BDP1: variants seen among roughly 807,000 people sequenced by gnomAD.
BDP1 encodes transcription factor TFIIIB component B'' homolog.
BDP1 carries 169 observed loss-of-function variants against 266.6 expected under a neutral mutation model. The observed-to-expected ratio is 0.63, with a 90% CI of 0.56 to 0.72. The LOEUF (loss-of-function observed/expected upper bound fraction) is 0.72, where lower values mean the gene tolerates loss of function less well. BDP1 is among the 30% of genes least tolerant of loss of function. The probability of loss-of-function intolerance (pLI) is 0.00; values close to 1 mark genes in which losing one functional copy is unlikely to be tolerated. For synonymous variants in BDP1, 1,090 were observed against 1,022.4 expected (o/e 1.07, Z -1.26); for missense variants, 3,015 against 3,053.8 (o/e 0.99, Z 0.30).
chr5:71,539,696 C>A, intron 28 of BDP1, 47 bp downstream of exon 28: 2 of 1,336,058 alleles, frequency 1.5e-6, no homozygotes, highest in South Asian at 1.3e-5. Context: ...CTTTTAAAAC[C>A]TAACTTAAGA....
intron 9 of BDP1, among the ~76,000 whole-genome samples, chr5:71,488,317 G>T (rs1281247382): frequency 2.0e-5 from 3 of 151,758 alleles, no homozygotes; most frequent in South Asian, 2.1e-4. Flanking sequence ...TTGTAGAGAT[G>T]GGATTTTATC....
At chr5:71,486,391 A>C (rs1763263318) in intron 8 of BDP1, 93 bp from the exon 9 acceptor site, 1 of 1,075,838 alleles carries the variant, frequency 9.3e-7, no homozygotes, top group Non-Finnish European at 1.3e-6. Context: ...CTGATAAACA[A>C]ACCCATTTGC....
At chr5:71,515,453 T>G (rs1765167550) in intron 20 of BDP1, among the ~76,000 whole-genome samples, 1 of 152,164 alleles carries the variant, frequency 6.6e-6, no homozygotes. Context: ...CAAGAAATGC[T>G]CAGTGGAGCA....
chr5:71,568,471 C>T (rs7449204), downstream of BDP1, among the ~76,000 whole-genome samples: 148,541 of 152,326 alleles, frequency 0.98, 72,445 homozygotes, highest in East Asian at 1. Flanking sequence ...TCCCTCTCCC[C>T]ACTGCCTTTG....
rs1742973045 is a variant in BDP1 at position 71,553,159 on chromosome 5, T to G, written c.7039T>G (p.Leu2347Val). Residue 2347 changes from leucine to valine, a missense_variant, in exon 35 of 39, where the codon TTA (leucine) becomes GTA (valine). Physicochemically the swap from Leu to Val is conservative, Grantham distance 32. This residue lies in a region of BDP1 where 629 missense variants were observed against 632.5 expected (regional missense o/e 0.99). Transcript: ENST00000358731. Reference sequence around the variant, plus strand: ...TTCAGTTGGTCAAGATGCCATGGGTTTATCTATTTCTGGAAGAGATAATTC... The same window carrying G: ...TTCAGTTGGTCAAGATGCCATGGGTGTATCTATTTCTGGAAGAGATAATTC... ...ATSVGQDAMG[L>V]SISGRDNSKK... 9 of 1,613,186 alleles carry G rather than the reference T, an allele frequency of 5.6e-6. No individual in the cohort carries two copies. Among genetic ancestry groups the G allele is most frequent in the Non-Finnish European group, 7.6e-6 (9 of 1,179,958 alleles).
At chr5:71,575,873 C>A in the BDP1 span, among the ~76,000 whole-genome samples, 1 of 152,082 alleles carries the variant, frequency 6.6e-6, no homozygotes, top group Admixed American at 6.6e-5. Context: ...CTCTTTTGGC[C>A]GCTCCTACAG....
Position 71,491,136 on chromosome 5 carries a change from T to C in BDP1, c.1640+5T>C. On this transcript the variant is annotated splice_donor_5th_base_variant and intron_variant, in intron 11 of 38. Coordinates refer to ENST00000358731, the MANE Select transcript of BDP1 (RefSeq NM_018429.3). The stretch of plus-strand genomic sequence containing the variant: ...TGACCCCATCCTTTCATTAAGGTAT[T>C]TTCTGTGTCTTTTCTGGTTTTATCC... 1 of 1,613,456 alleles carries C rather than the reference T, an allele frequency of 6.2e-7. No homozygotes were observed. Among genetic ancestry groups the C allele is most frequent in the South Asian group, 1.1e-5 (1 of 90,918 alleles).
intron 21 of BDP1, 151 bp downstream of exon 21, chr5:71,516,422 A>AT (rs555222717): frequency 1.1e-3 from 585 of 535,562 alleles, no homozygotes; most frequent in South Asian, 2.7e-3. Flanking sequence ...GCTCTTCTGG[A>AT]TTTTTTTTTT....
chr5:71,487,203 G>A (rs1331463547), intron 9 of BDP1, among the ~76,000 whole-genome samples: 2 of 152,072 alleles, frequency 1.3e-5, no homozygotes, highest in Non-Finnish European at 2.9e-5. Context: ...TTATATGTTA[G>A]CTAGCTTACA....
At chr5:71,456,377 C>T (rs1291324064) in intron 1 of BDP1, among the ~76,000 whole-genome samples, 3 of 152,218 alleles carry the variant, frequency 2.0e-5, no homozygotes, top group African/African-American at 7.2e-5. Flanking sequence ...AATATCCACA[C>T]TATTCATTTG....
chr5:71,526,431 A>G (rs1291453081), intron 25 of BDP1, among the ~76,000 whole-genome samples: 1 of 151,864 alleles, frequency 6.6e-6, no homozygotes, highest in Non-Finnish European at 1.5e-5. Flanking sequence ...AGCCTGACCA[A>G]CAAGGTGAAA....
rs1561736873 is a variant in BDP1 at position 71,514,946 on chromosome 5, T to G, written c.4473T>G (p.Asp1491Glu). 6.3e-7 allele frequency: 1 copy of G among 1,595,876 alleles called. No individual in the cohort carries two copies. The highest frequency in any genetic ancestry group is 8.5e-7 in the Non-Finnish European group (1 of 1,174,846). The change falls in exon 20 of 39, where the codon GAT (aspartate) becomes GAG (glutamate). Residue 1491 changes from aspartate to glutamate, a missense_variant and splice_region_variant. Physicochemically the swap from Asp to Glu is conservative, Grantham distance 45. This residue lies in a region of BDP1 where 2,383 missense variants were observed against 2,404.9 expected (regional missense o/e 0.99). Coordinates refer to ENST00000358731, the MANE Select transcript of BDP1 (RefSeq NM_018429.3). ...GAAATTTTTTTTCTGTCTTCTAGGA[T>G]GAAGCTTCCCTAATGATATCAAGAG... The part of the protein sequence containing the change: ...EQTDTLPSQH[D>E]EASLMISREK...
chr5:71,492,998 T>C (rs1763682026), intron 11 of BDP1, among the ~76,000 whole-genome samples: 1 of 152,198 alleles, frequency 6.6e-6, no homozygotes, highest in Non-Finnish European at 1.5e-5. Flanking sequence ...TCTAATCTGC[T>C]TTCTGTTTCT....
In BDP1 at chr5:71,522,330, CAAG is replaced by C. The variant is rs1765536875; in HGVS notation, c.5037_5039del (p.Arg1680del). The C allele has an allele frequency of 6.2e-7, 1 of 1,613,702 alleles. No homozygotes were observed. The highest frequency in any genetic ancestry group is 1.1e-5 in the South Asian group (1 of 91,042). On this transcript the variant is annotated inframe_deletion, in exon 23 of 39. Coordinates refer to ENST00000358731, the MANE Select transcript of BDP1 (RefSeq NM_018429.3). ...TATGTTCCTAGTTCAGCACAAATGA[CAAG>C]AAGGAAATTCCAAAAGGCTAAGCCA...
chr5:71,541,485 A>C lies in BDP1; in HGVS notation c.6054A>C (p.Ser2018=). ...TATGTATAATTCCTCATGTTCATTC[A>C]AAGGATAAAAGCCATATTCCTTCTA... The part of the protein sequence containing the change: ...VGVCIIPHVH[S]KDKSHIPSSL... The change falls in exon 29 of 39, where the codon TCA becomes TCC. Residue 2018 remains serine (S), a synonymous_variant. Coordinates refer to ENST00000358731, the MANE Select transcript of BDP1 (RefSeq NM_018429.3). 1 of 1,578,990 alleles carries C rather than the reference A, an allele frequency of 6.3e-7. No homozygotes were observed.
At chr5:71,463,446 C>T (rs1052334734) in intron 3 of BDP1, among the ~76,000 whole-genome samples, 2 of 152,078 alleles carry the variant, frequency 1.3e-5, no homozygotes, top group Non-Finnish European at 2.9e-5. Context: ...GTTTAACATC[C>T]AGGAGTTGGA....
At chr5:71,459,281 G>C (rs549462229) in intron 2 of BDP1, among the ~76,000 whole-genome samples, 2 of 152,202 alleles carry the variant, frequency 1.3e-5, no homozygotes, top group Non-Finnish European at 2.9e-5. Flanking sequence ...GGAGGACTAG[G>C]GGGGCAGATC....
At chr5:71,458,399 A>G (rs1355244101) in intron 1 of BDP1, among the ~76,000 whole-genome samples, 180 bp from the exon 2 acceptor site, 1 of 152,162 alleles carries the variant, frequency 6.6e-6, no homozygotes, top group African/African-American at 2.4e-5. Flanking sequence ...ACGTATATTT[A>G]AAAGATTTAC....
Position 71,470,492 on chromosome 5 carries a change from A to AT in BDP1, c.1014+3_1014+4insT. 6.3e-7 allele frequency: 1 copy of AT among 1,582,760 alleles called. No individual in the cohort carries two copies. The highest frequency in any genetic ancestry group is 8.7e-7 in the Non-Finnish European group (1 of 1,154,644). Reference sequence around the variant, plus strand: ...ACAGAGCAAGGATAGAAATTAAGGTAAAGTAAACCCATCACATTTGTTGAT... The same window carrying AT: ...ACAGAGCAAGGATAGAAATTAAGGTATAAGTAAACCCATCACATTTGTTGAT... On this transcript the variant is annotated splice_donor_region_variant and intron_variant, in intron 7 of 38. Coordinates refer to ENST00000358731, the MANE Select transcript of BDP1 (RefSeq NM_018429.3).
Sources: gnomAD v4.1 joint callset for allele counts (sites outside exome capture counted in the v4.1 genomes callset) on GRCh38, gnomAD v4.1.1 for gene constraint, gnomAD v4.1.1 regional missense constraint, MANE v1.5 for transcripts, NCBI Gene and HGNC (gene_info 2026-07-23, HGNC 2026-07-21) for gene names.